The following PREX1 variants were observed in gnomAD, a reference collection of about 807,000 sequenced individuals.
PREX1 encodes phosphatidylinositol 3,4,5-trisphosphate-dependent Rac exchanger 1 protein.
In PREX1, 41 loss-of-function variants were observed where a neutral mutation model predicts 198.3. That is an observed-to-expected ratio of 0.21 (90% CI 0.16 to 0.27). The LOEUF (loss-of-function observed/expected upper bound fraction) is 0.27. Among genes scored for constraint, PREX1 ranks in the 10% least tolerant of loss-of-function variants. PREX1 has a pLI of 1.00. For missense variants in PREX1, 1,620 were observed against 2,200.7 expected (o/e 0.74, Z 5.28); for synonymous variants, 843 against 887.2 (o/e 0.95, Z 0.89).
chr20:48,732,145 A>C (rs2090037257), intron 4 of PREX1, among the ~76,000 whole-genome samples: 1 of 152,230 alleles, frequency 6.6e-6, no homozygotes, highest in African/African-American at 2.4e-5. Flanking sequence ...ATAAGTGCAA[A>C]CATGGAAATG....
rs1304586750 is a variant in PREX1, at chr20:48,827,889, T to C, written c.-29A>G. ...AGCGCGGCCGCGCGGCGCCGGCTCC[T>C]TCCGTCGCGCCGAGCGGCAACTCAG... is the stretch of plus-strand genomic sequence containing the variant. On this transcript the variant is annotated 5_prime_UTR_variant, in exon 1 of 40. Transcript: ENST00000371941. This position sits in a 1 kb window ranked among gnomAD's most constrained non-coding sequence, Gnocchi z 4.1. 3 of 937,316 alleles carry C rather than the reference T, an allele frequency of 3.2e-6. No homozygotes were observed. Among genetic ancestry groups the C allele is most frequent in the Non-Finnish European group, 3.8e-6 (3 of 793,654 alleles). The allele number at this position is 937,316 out of a possible 1,614,324, so 58.1% of individuals were successfully genotyped here.
chr20:48,648,077 A>AT (rs911987043), intron 25 of PREX1, among the ~76,000 whole-genome samples: 105 of 149,552 alleles, frequency 7.0e-4, no homozygotes, highest in South Asian at 1.7e-3. Context: ...TAATTTTAGG[A>AT]TTTTTTTTTT....
At chr20:48,632,186 C>A (rs1414557231) in intron 35 of PREX1, 91 bp downstream of exon 35, 3 of 1,240,766 alleles carry the variant, frequency 2.4e-6, no homozygotes, top group Non-Finnish European at 2.3e-6. Flanking sequence ...ACTGCCCATG[C>A]TGGGGGTCCG....
chr20:48,810,353 C>A (rs999675156), intron 1 of PREX1, among the ~76,000 whole-genome samples: 3 of 151,612 alleles, frequency 2.0e-5, no homozygotes, highest in Non-Finnish European at 4.4e-5. Context: ...GAGGCTGAGG[C>A]AGGAGAATCG....
chr20:48,868,757 T>C, the PREX1 span, among the ~76,000 whole-genome samples: 1 of 152,204 alleles, frequency 6.6e-6, no homozygotes, highest in Admixed American at 6.5e-5. Flanking sequence ...TACAAACAAA[T>C]AGTAACATAA....
At chr20:48,711,734 C>T (rs1442351372) in intron 5 of PREX1, among the ~76,000 whole-genome samples, 1 of 152,194 alleles carries the variant, frequency 6.6e-6, no homozygotes, top group African/African-American at 2.4e-5. Flanking sequence ...AGTTTGCTGG[C>T]CCTTTGTTAA....
rs199608923 is a variant in PREX1 at position 48,676,301 on chromosome 20, C to G, written c.1590-33G>C. ...GAAGGTGAGCGCACAGTGAGCAGGGCAGGGCGGGGAGGACAGAGGTGGGGG... is the reference window on the plus strand; with the variant it reads ...GAAGGTGAGCGCACAGTGAGCAGGGGAGGGCGGGGAGGACAGAGGTGGGGG... On this transcript the variant is annotated intron_variant, in intron 13 of 39. Transcript: ENST00000371941. The G allele has an allele frequency of 2.2e-5, 35 of 1,601,304 alleles. No homozygotes were observed. The African/African-American group carries it at 2.4e-4, about 11-fold the overall frequency.
chr20:48,766,529 TG>T (rs1012682522), intron 1 of PREX1, among the ~76,000 whole-genome samples: 5 of 152,198 alleles, frequency 3.3e-5, no homozygotes, highest in African/African-American at 1.2e-4. Flanking sequence ...AGCTTGCTCC[TG>T]CCCCCAGGCC....
At chr20:48,707,567 C>G (rs1299101291) in intron 6 of PREX1, among the ~76,000 whole-genome samples, 1 of 152,218 alleles carries the variant, frequency 6.6e-6, no homozygotes, top group African/African-American at 2.4e-5. Context: ...AATCTCTGCC[C>G]AAGAGACTTT....
Position 48,753,745 on chromosome 20 carries a change from G to A in PREX1, c.220-5865C>T, listed in dbSNP as rs73911675. On this transcript the variant is annotated intron_variant, in intron 1 of 39. Coordinates refer to ENST00000371941, the MANE Select transcript of PREX1 (RefSeq NM_020820.4). The stretch of plus-strand genomic sequence containing the variant: ...CCAGGCCCCCAGCATCCAGGCCTTC[G>A]CACGTGCTGTTCTTTGCCTACAGAG... Among the ~76,000 whole-genome samples, 375 of 152,118 alleles carry A rather than the reference G, an allele frequency of 2.5e-3. 3 individuals are homozygous for A. The highest frequency in any genetic ancestry group is 8.6e-3 in the African/African-American group (355 of 41,482).
At chr20:48,878,230 A>G in the PREX1 span, among the ~76,000 whole-genome samples, 1 of 152,234 alleles carries the variant, frequency 6.6e-6, no homozygotes, top group Non-Finnish European at 1.5e-5. Context: ...TGCTCCAGCC[A>G]GGCTGCTCTC....
intron 1 of PREX1, among the ~76,000 whole-genome samples, chr20:48,785,548 A>G (rs902224848): frequency 2.6e-5 from 4 of 152,224 alleles, no homozygotes; most frequent in Admixed American, 2.0e-4. Flanking sequence ...TCATCCACAG[A>G]GCCTGGCACC....
chr20:48,875,075 C>T, the PREX1 span, among the ~76,000 whole-genome samples: 5 of 151,930 alleles, frequency 3.3e-5, no homozygotes, highest in African/African-American at 1.2e-4. Flanking sequence ...TAAGACTGAG[C>T]GAAAGGAGAA....
At chr20:48,802,680 G>A (rs929238296) in intron 1 of PREX1, among the ~76,000 whole-genome samples, 3 of 152,202 alleles carry the variant, frequency 2.0e-5, no homozygotes, top group Non-Finnish European at 4.4e-5. Flanking sequence ...TGAGAGCAGG[G>A]ATTGTATCTG....
At chr20:48,630,053 C>T (rs1194620282) in intron 36 of PREX1, among the ~76,000 whole-genome samples, 3 of 152,154 alleles carry the variant, frequency 2.0e-5, no homozygotes, top group South Asian at 2.1e-4. Flanking sequence ...AGCTGTGCTG[C>T]GGGGACATTC....
At chr20:48,655,409 A>T in intron 18 of PREX1, 34 bp from the exon 19 acceptor site, 1 of 1,444,612 alleles carries the variant, frequency 6.9e-7, no homozygotes, top group Non-Finnish European at 9.4e-7. Context: ...GAAAAAGGCC[A>T]TGAGGAAAAC....
the PREX1 span, among the ~76,000 whole-genome samples, chr20:48,846,495 A>G: frequency 6.6e-6 from 1 of 151,794 alleles, no homozygotes; most frequent in African/African-American, 2.4e-5. Flanking sequence ...CGTTCATCTC[A>G]CACAACCACT....
In PREX1 at chr20:48,666,479, G is replaced by A; in HGVS notation, c.1666-124C>T. The A allele has an allele frequency of 3.0e-6, 2 of 677,846 alleles. No homozygotes were observed. Among genetic ancestry groups the A allele is most frequent in the Non-Finnish European group, 2.6e-6 (1 of 391,924 alleles). The allele number at this position is 677,846 out of a possible 1,614,324, so 42.0% of individuals were successfully genotyped here. A position where few individuals can be genotyped will look rare whatever the true frequency, so the allele number is the denominator to read the frequency against. On this transcript the variant is annotated intron_variant, in intron 14 of 39. Transcript: ENST00000371941. The surrounding 1 kb of genome is among the most constrained non-coding windows in gnomAD (Gnocchi z 4.3). The stretch of plus-strand genomic sequence containing the variant: ...ACGAGGGCCAGGGGTTGTCTGTTTT[G>A]TTTACTGCAGTAACCCCAAAACGGG...
chr20:48,644,931 G>C (rs960458953), intron 26 of PREX1, among the ~76,000 whole-genome samples: 2 of 152,180 alleles, frequency 1.3e-5, no homozygotes, highest in Admixed American at 6.5e-5. Flanking sequence ...CGGAAGGTGT[G>C]GGAGATCAAA....
Sources: allele counts gnomAD v4.1 joint callset (sites outside exome capture counted in the v4.1 genomes callset), GRCh38; gene constraint gnomAD v4.1.1; non-coding constraint Gnocchi (gnomAD v3.1); transcripts MANE v1.5; gene names NCBI Gene and HGNC (gene_info 2026-07-23, HGNC 2026-07-21).